Variants in CAST observed in about 807,000 individuals in gnomAD.
CAST encodes calpastatin.
In CAST, 76 loss-of-function variants were observed where a neutral mutation model predicts 119.6. The observed-to-expected ratio is 0.64, with a 90% CI of 0.53 to 0.77. The LOEUF (loss-of-function observed/expected upper bound fraction) is 0.77, where lower values mean the gene tolerates loss of function less well. CAST is among the 30% of genes least tolerant of loss of function. The pLI is 0.00. For missense variants in CAST, 953 were observed against 946.5 expected (o/e 1.01, Z -0.09); for synonymous variants, 319 against 331.6 (o/e 0.96, Z 0.41).
chr5:96,319,684 A>G, the CAST span, among the ~76,000 whole-genome samples: 1 of 152,276 alleles, frequency 6.6e-6, no homozygotes, highest in Non-Finnish European at 1.5e-5. Flanking sequence ...CTTCAAAGTT[A>G]CCAGTAAGCA....
chr5:96,316,157 A>T, the CAST span, among the ~76,000 whole-genome samples: 1 of 152,228 alleles, frequency 6.6e-6, no homozygotes, highest in Non-Finnish European at 1.5e-5. Context: ...CAGAATAGTG[A>T]ATATAAACAG....
the CAST span, among the ~76,000 whole-genome samples, chr5:96,042,380 C>T: frequency 6.6e-6 from 1 of 152,102 alleles, no homozygotes; most frequent in Non-Finnish European, 1.5e-5. Context: ...ATGTATTGTC[C>T]TCCAGTTTAT....
At chr5:96,395,037 G>A in the CAST span, 4 of 1,597,662 alleles carry the variant, frequency 2.5e-6, no homozygotes, top group African/African-American at 5.4e-5. Context: ...TAACAAATAA[G>A]CATACCTACA....
the CAST span, among the ~76,000 whole-genome samples, chr5:96,004,133 T>C: frequency 3.3e-5 from 5 of 152,232 alleles, no homozygotes; most frequent in African/African-American, 9.6e-5. Context: ...TGGATGGTCA[T>C]GCCATGTGCT....
chr5:96,108,017 G>A, the CAST span, among the ~76,000 whole-genome samples: 26 of 141,698 alleles, frequency 1.8e-4, no homozygotes, highest in African/African-American at 4.0e-4. Flanking sequence ...TGATCGCATC[G>A]GCTCCTGAGG....
At chr5:96,043,353 C>T in the CAST span, among the ~76,000 whole-genome samples, 1 of 152,136 alleles carries the variant, frequency 6.6e-6, no homozygotes, top group Admixed American at 6.6e-5. Context: ...TTATTTAAAA[C>T]AAAATAGAGG....
At chr5:96,052,539 T>G in the CAST span, among the ~76,000 whole-genome samples, 12 of 152,380 alleles carry the variant, frequency 7.9e-5, no homozygotes, top group Non-Finnish European at 1.6e-4. Context: ...AAGGTTGTAC[T>G]AATTTGTAAA....
At chr5:96,294,747 G>A in the CAST span, among the ~76,000 whole-genome samples, 7 of 152,178 alleles carry the variant, frequency 4.6e-5, no homozygotes, top group Non-Finnish European at 8.8e-5. Flanking sequence ...ATTTCTAGCC[G>A]CCAGGCTTTG....
the CAST span, among the ~76,000 whole-genome samples, chr5:96,181,206 G>A: frequency 4.0e-4 from 61 of 152,188 alleles, no homozygotes; most frequent in Admixed American, 2.6e-4. Flanking sequence ...TCTTCATTTG[G>A]ACTAAAATTT....
At chr5:96,527,518 A>C (rs545071548), upstream of CAST, among the ~76,000 whole-genome samples, 8 of 152,310 alleles carry the variant, frequency 5.3e-5, no homozygotes, top group African/African-American at 1.7e-4. Context: ...GGAGAAGTTC[A>C]GTAAATCCCT....
At chr5:96,298,747 G>A in the CAST span, among the ~76,000 whole-genome samples, 3 of 151,974 alleles carry the variant, frequency 2.0e-5, no homozygotes, top group African/African-American at 4.8e-5. Context: ...CTTTTCCATC[G>A]AAATTGAAAC....
At chr5:96,402,169 G>A in the CAST span, among the ~76,000 whole-genome samples, 1 of 152,160 alleles carries the variant, frequency 6.6e-6, no homozygotes, top group Non-Finnish European at 1.5e-5. Flanking sequence ...AGAGGCAGTG[G>A]ACATTCCTAA....
chr5:96,052,311 G>A, the CAST span, among the ~76,000 whole-genome samples: 34,817 of 151,966 alleles, frequency 0.23, 4,421 homozygotes, highest in East Asian at 0.33. Flanking sequence ...CTTCCTACAG[G>A]GTTTCTCTTC....
intron 29 of CAST, chr5:96,769,892 C>A (rs1771632863): frequency 6.7e-6 from 1 of 149,636 alleles, no homozygotes; most frequent in Non-Finnish European, 1.5e-5. Flanking sequence ...CATGTTGTGA[C>A]AAATAGTAGG....
the CAST span, among the ~76,000 whole-genome samples, chr5:96,502,622 TTCTTTC>T: frequency 5.0e-5 from 3 of 59,466 alleles, no homozygotes; most frequent in East Asian, 8.8e-4. Context: ...TAGTCTTTCT[TTCTTTC>T]TTTCTTTCTT....
At chr5:96,293,635 C>T in the CAST span, among the ~76,000 whole-genome samples, 2 of 151,946 alleles carry the variant, frequency 1.3e-5, no homozygotes, top group African/African-American at 4.8e-5. Flanking sequence ...TCTTCTCCTT[C>T]CAGAGAACTC....
At chr5:96,309,818 T>A in the CAST span, among the ~76,000 whole-genome samples, 9 of 152,238 alleles carry the variant, frequency 5.9e-5, no homozygotes, top group African/African-American at 2.2e-4. Flanking sequence ...ATGAACTGGG[T>A]ACCTCAGTTT....
chr5:96,262,824 C>T, the CAST span, among the ~76,000 whole-genome samples: 3 of 152,110 alleles, frequency 2.0e-5, no homozygotes, highest in Admixed American at 1.3e-4. Context: ...CATGAGCCAC[C>T]ACGCCCAGCC....
the CAST span, among the ~76,000 whole-genome samples, chr5:96,371,705 C>G: frequency 6.6e-6 from 1 of 152,098 alleles, no homozygotes; most frequent in African/African-American, 2.4e-5. Context: ...AATAAATACC[C>G]ATTGGTTGAA....
Sources: gnomAD v4.1 joint callset for allele counts (sites outside exome capture counted in the v4.1 genomes callset) on GRCh38, gnomAD v4.1.1 for gene constraint, MANE v1.5 for transcripts, NCBI Gene and HGNC (gene_info 2026-07-23, HGNC 2026-07-21) for gene names.